Variants in EDARADD observed in about 807,000 individuals in gnomAD.
EDARADD encodes the protein EDAR associated via death domain.
A neutral mutation model predicts 25.6 loss-of-function variants in EDARADD; 20 were observed. The observed-to-expected ratio is 0.78, with a 90% CI of 0.55 to 1.14. The LOEUF (loss-of-function observed/expected upper bound fraction) is 1.14. Among genes scored for constraint, EDARADD ranks in the 50% most tolerant of loss-of-function variants. EDARADD has a pLI of 0.00. For synonymous variants in EDARADD, 86 were observed against 94.4 expected, an observed-to-expected ratio of 0.91 and a Z score of 0.52; for missense variants, 225 against 270.1, an observed-to-expected ratio of 0.83 and a Z score of 1.17.
chr1:236,445,784 T>C (rs951075449), intron 4 of EDARADD, among the ~76,000 whole-genome samples: 4 of 152,206 alleles, frequency 2.6e-5, no homozygotes, highest in African/African-American at 9.7e-5. Context: ...ACTTCATAGA[T>C]GAAGAAATGC....
intron 3 of EDARADD, among the ~76,000 whole-genome samples, chr1:236,414,938 A>G (rs1394877472): frequency 6.6e-6 from 1 of 152,148 alleles, no homozygotes; most frequent in Non-Finnish European, 1.5e-5. Context: ...CAAGCATCTA[A>G]GTGAGGCTGT....
intron 5 of EDARADD, 22 bp from the exon 6 acceptor site, chr1:236,482,245 A>G (rs369166930): frequency 2.6e-5 from 42 of 1,614,102 alleles, no homozygotes; most frequent in Middle Eastern, 3.3e-4. Flanking sequence ...TGACCTGTGG[A>G]CTAAATTGTT....
chr1:236,480,087 TAAG>T (rs1659625783), intron 5 of EDARADD, among the ~76,000 whole-genome samples: 1 of 123,848 alleles, frequency 8.1e-6, no homozygotes, highest in African/African-American at 3.2e-5. Flanking sequence ...GTGTGCCTTT[TAAG>T]TATGCCATAT....
chr1:236,438,085 C>T (rs544727679), intron 4 of EDARADD, among the ~76,000 whole-genome samples: 1 of 149,538 alleles, frequency 6.7e-6, no homozygotes, highest in South Asian at 2.2e-4. Context: ...AGCTGGCTGG[C>T]TTCTCCCTGT....
At chr1:236,401,090 G>A (rs900291691) in intron 1 of EDARADD, among the ~76,000 whole-genome samples, 6 of 151,982 alleles carry the variant, frequency 3.9e-5, no homozygotes, top group Non-Finnish European at 8.8e-5. Flanking sequence ...GGAGGCTGAG[G>A]TGGGAGAATC....
rs1381114840 is a variant in EDARADD at position 236,398,038 on chromosome 1, C to G, written c.61+3533C>G. Among the ~76,000 whole-genome samples, 1 of 152,216 alleles carries G rather than the reference C, an allele frequency of 6.6e-6. No homozygotes were observed. The highest frequency in any genetic ancestry group is 2.4e-5 in the African/African-American group (1 of 41,456). On this transcript the variant is annotated intron_variant, in intron 1 of 5. Transcript: ENST00000334232. The surrounding 1 kb of genome is among the most constrained non-coding windows in gnomAD (Gnocchi z 4.1). Reference sequence around the variant, plus strand: ...TCTTCTCCCGCCTGGTGTTTTCACACCATTCCAACGTAGGTTTTCACACCC... The same window carrying G: ...TCTTCTCCCGCCTGGTGTTTTCACAGCATTCCAACGTAGGTTTTCACACCC...
At chr1:236,474,714 T>C (rs2103038541) in intron 5 of EDARADD, among the ~76,000 whole-genome samples, 1 of 152,340 alleles carries the variant, frequency 6.6e-6, no homozygotes, top group South Asian at 2.1e-4. Context: ...CAAATCTACC[T>C]TGCCTCCCAG....
chr1:236,355,882 G>A (rs660351), intron 3 of EDARADD, among the ~76,000 whole-genome samples: 35,730 of 151,746 alleles, frequency 0.24, 4,344 homozygotes, highest in East Asian at 0.38. Flanking sequence ...CCGGTTCTAA[G>A]GCTCCTGTCA....
At chr1:236,472,682 T>C (rs111530243) in intron 5 of EDARADD, among the ~76,000 whole-genome samples, 1 of 138,722 alleles carries the variant, frequency 7.2e-6, no homozygotes, top group Non-Finnish European at 1.6e-5. Context: ...ACAGCTATTC[T>C]ATTCATTGTT....
At chr1:236,429,028 C>T (rs924357654) in intron 4 of EDARADD, among the ~76,000 whole-genome samples, 12 of 152,090 alleles carry the variant, frequency 7.9e-5, no homozygotes, top group Non-Finnish European at 1.3e-4. Flanking sequence ...CCCAGGCACT[C>T]GGCAGGCTGA....
intron 3 of EDARADD, among the ~76,000 whole-genome samples, chr1:236,355,277 G>A (rs1340655459): frequency 6.6e-6 from 1 of 152,118 alleles, no homozygotes; most frequent in Non-Finnish European, 1.5e-5. Flanking sequence ...TCATCCACTT[G>A]TGTATTTTTC....
intron 4 of EDARADD, among the ~76,000 whole-genome samples, chr1:236,463,079 TTAATC>T (rs1230171273): frequency 6.6e-6 from 1 of 152,176 alleles, no homozygotes; most frequent in East Asian, 1.9e-4. Flanking sequence ...AAATCATAGA[TTAATC>T]TAATTTAGAG....
chr1:236,464,778 C>G (rs977577455), intron 4 of EDARADD, among the ~76,000 whole-genome samples: 6 of 152,170 alleles, frequency 3.9e-5, no homozygotes, highest in Admixed American at 3.9e-4. Context: ...TTCTTCCCCT[C>G]TCTGACCTCC....
rs376972393 is a variant in EDARADD at position 236,482,379 on chromosome 1, G to T, written c.378G>T (p.Arg126Ser). ...ATCAGGACTTACTAGACGTGATCAGGATAAAGCTGGATCCGTGTCACCCAA... is the reference window on the plus strand; with the variant it reads ...ATCAGGACTTACTAGACGTGATCAGTATAAAGCTGGATCCGTGTCACCCAA... ...LNDQDLLDVIRIKLDPCHPTV... is the reference protein window; with the variant it reads ...LNDQDLLDVISIKLDPCHPTV... The change falls in exon 6 of 6, where the codon AGG (arginine) becomes AGT (serine). Residue 126 changes from arginine (R) to serine (S), a missense_variant. Transcript: ENST00000334232. 3.1e-6 allele frequency: 5 copies of T among 1,614,190 alleles called. No individual in the cohort carries two copies. Among genetic ancestry groups the T allele is most frequent in the Non-Finnish European group, 4.2e-6 (5 of 1,180,048 alleles).
At position 236,409,196 on chromosome 1, in the gene EDARADD, T is replaced by C; in HGVS notation, c.62-20T>C. 10 of 1,601,418 alleles carry C rather than the reference T, an allele frequency of 6.2e-6. No homozygotes were observed. Among genetic ancestry groups the C allele is most frequent in the Non-Finnish European group, 8.5e-6 (10 of 1,172,216 alleles). On this transcript the variant is annotated intron_variant, in intron 1 of 5. Transcript: ENST00000334232. ...TTAAAGCAAACCCGCTCTATTTGTTTGTTTTTGTTCTTTTTACAGATCATA... is the reference window on the plus strand; with the variant it reads ...TTAAAGCAAACCCGCTCTATTTGTTCGTTTTTGTTCTTTTTACAGATCATA...
rs1316056043 is a variant in EDARADD, at chr1:236,385,135, G to A, written c.-5-24081G>A. 1.1e-4 allele frequency among the ~76,000 whole-genome samples: 16 copies of A among 142,696 alleles called. No individual in the cohort carries two copies. In the East Asian group the frequency reaches 1.2e-3, roughly 11 times the overall value. 93.6% of individuals were successfully genotyped at this position (142,696 alleles called of 152,430 possible). A position where few individuals can be genotyped will look rare whatever the true frequency, so the allele number is the denominator to read the frequency against. On this transcript the variant is annotated intron_variant, in intron 3 of 7. Coordinates refer to the EDARADD transcript ENST00000439430. ...TTAAGAAAGCTCTTCCTGGCCGGGCGCGGTAGCTCACGCCTGTAATCTCAG... is the reference window on the plus strand; with the variant it reads ...TTAAGAAAGCTCTTCCTGGCCGGGCACGGTAGCTCACGCCTGTAATCTCAG...
At chr1:236,464,423 CTTTTTTTTTTTTTT>C (rs35064410) in intron 4 of EDARADD, among the ~76,000 whole-genome samples, 9 of 72,982 alleles carry the variant, frequency 1.2e-4, no homozygotes, top group African/African-American at 4.3e-4. Context: ...CTTGCTGCAA[CTTTTTTTTTTTTTT>C]TTTTTTTTTT....
intron 4 of EDARADD, among the ~76,000 whole-genome samples, chr1:236,465,134 G>A (rs1402299330): frequency 6.6e-6 from 1 of 152,094 alleles, no homozygotes; most frequent in Non-Finnish European, 1.5e-5. Flanking sequence ...GGAGTGATGC[G>A]GAGTCTCATT....
upstream of EDARADD, among the ~76,000 whole-genome samples, chr1:236,392,399 C>G (rs1001842765): frequency 1.3e-5 from 2 of 152,132 alleles, no homozygotes; most frequent in African/African-American, 4.8e-5. Flanking sequence ...TCATAGCTCC[C>G]TGAGGTCTGT....
Sources: gnomAD v4.1 joint callset for allele counts (sites outside exome capture counted in the v4.1 genomes callset) on GRCh38, gnomAD v4.1.1 for gene constraint, Gnocchi (gnomAD v3.1) non-coding constraint, MANE v1.5 for transcripts, NCBI Gene and HGNC (gene_info 2026-07-23, HGNC 2026-07-21) for gene names.